Variants in PITPNM3 observed in about 807,000 individuals in gnomAD.
The protein encoded by PITPNM3 is membrane-associated phosphatidylinositol transfer protein 3.
A neutral mutation model predicts 102.0 loss-of-function variants in PITPNM3; 26 were observed. The ratio of observed to expected loss-of-function variants is 0.25; its 90% CI spans 0.19 to 0.35. PITPNM3 has a LOEUF of 0.35. Among genes scored for constraint, PITPNM3 ranks in the 10% least tolerant of loss-of-function variants. The pLI, the probability that PITPNM3 is intolerant of heterozygous loss-of-function variation, is 1.00. For synonymous variants in PITPNM3, 578 were observed against 558.6 expected (o/e 1.03, Z -0.49); for missense variants, 1,083 against 1,346.1 (o/e 0.80, Z 3.06).
rs891129249 is a variant in PITPNM3, at chr17:6,458,774, C to T, written c.2491-1052G>A. ...TGCCTCCACCCCGGATTCTCTCACCCCTTCATCCTCCTCCCACACCTGCCC... is the reference window on the plus strand; with the variant it reads ...TGCCTCCACCCCGGATTCTCTCACCTCTTCATCCTCCTCCCACACCTGCCC... On this transcript the variant is annotated intron_variant, in intron 18 of 19. Coordinates refer to ENST00000262483, the MANE Select transcript of PITPNM3 (RefSeq NM_031220.4). The surrounding 1 kb of genome is among the most constrained non-coding windows in gnomAD (Gnocchi z 5.1). 2.0e-4 allele frequency among the ~76,000 whole-genome samples: 30 copies of T among 152,158 alleles called. No homozygotes were observed. Among genetic ancestry groups the T allele is most frequent in the African/African-American group, 6.5e-4 (27 of 41,496 alleles).
intron 4 of PITPNM3, among the ~76,000 whole-genome samples, chr17:6,501,740 C>A (rs1279980099): frequency 6.6e-6 from 1 of 152,148 alleles, no homozygotes; most frequent in Non-Finnish European, 1.5e-5. Context: ...GAGGTGGAGG[C>A]GCCTGTGACA....
At chr17:6,545,162 T>C (rs1909957717) in intron 1 of PITPNM3, among the ~76,000 whole-genome samples, 1 of 152,222 alleles carries the variant, frequency 6.6e-6, no homozygotes, top group South Asian at 2.1e-4. Context: ...TCTCCTGCTC[T>C]GTAAAACGGG....
chr17:6,551,046 G>A (rs573760509), intron 1 of PITPNM3, among the ~76,000 whole-genome samples: 4 of 152,340 alleles, frequency 2.6e-5, no homozygotes, highest in South Asian at 2.1e-4. Context: ...ACCCCAGACT[G>A]CGGGAAAGCT....
At chr17:6,554,506 C>T (rs531298179) in intron 1 of PITPNM3, among the ~76,000 whole-genome samples, 2 of 152,136 alleles carry the variant, frequency 1.3e-5, no homozygotes, top group East Asian at 1.9e-4. Context: ...AAGGGCCAAG[C>T]GTGAAATTGC....
rs978134172 is a variant in PITPNM3, at chr17:6,452,497, G to C, written c.*2841C>G. 1 of 152,166 alleles carries C rather than the reference G, an allele frequency of 6.6e-6. No individual in the cohort carries two copies. The highest frequency in any genetic ancestry group is 1.5e-5 in the Non-Finnish European group (1 of 68,024). 9.4% of individuals were successfully genotyped at this position (152,166 alleles called of 1,614,324 possible). A position where few individuals can be genotyped will look rare whatever the true frequency, so the allele number is the denominator to read the frequency against. ...ATTCTCTACAAAACAGCTGGATTGG[G>C]GGTCACAGAACTACTCAAGGAGAGG... On this transcript the variant is annotated 3_prime_UTR_variant, in exon 20 of 20. Transcript: ENST00000262483.
At chr17:6,471,621 G>C (rs1023643443) in intron 11 of PITPNM3, among the ~76,000 whole-genome samples, 1 of 152,224 alleles carries the variant, frequency 6.6e-6, no homozygotes, top group African/African-American at 2.4e-5. Context: ...TGGAGTCCCA[G>C]CCATCACCCC....
chr17:6,503,379 C>T lies in PITPNM3; in HGVS notation c.274+148G>A, dbSNP rs569741067. ...AGGGCCCAAACTCAGGCTGAGTGAC[C>T]CCAGGCCCTCCGGTACTGCCTGCAG... On this transcript the variant is annotated intron_variant, in intron 4 of 19. Transcript: ENST00000262483. The T allele has an allele frequency of 7.8e-6, 7 of 898,152 alleles. No individual in the cohort carries two copies. In the South Asian group the frequency reaches 9.1e-5, roughly 12 times the overall value. 55.6% of individuals were successfully genotyped at this position (898,152 alleles called of 1,614,324 possible).
chr17:6,524,956 G>A (rs980642592), intron 3 of PITPNM3, among the ~76,000 whole-genome samples: 3 of 152,148 alleles, frequency 2.0e-5, no homozygotes, highest in African/African-American at 7.2e-5. Context: ...TCTCACTGCT[G>A]TCCTTCTCTC....
chr17:6,508,031 G>T (rs752395130), intron 3 of PITPNM3, among the ~76,000 whole-genome samples: 3 of 151,716 alleles, frequency 2.0e-5, no homozygotes, highest in Non-Finnish European at 4.4e-5. Flanking sequence ...AGCTGGGGTT[G>T]CTGGGAATGC....
intron 1 of PITPNM3, among the ~76,000 whole-genome samples, chr17:6,550,342 G>A (rs1483989697): frequency 6.6e-6 from 1 of 152,206 alleles, no homozygotes; most frequent in Non-Finnish European, 1.5e-5. Context: ...CTCTACCTCA[G>A]AGATGCTGTT....
intron 5 of PITPNM3, 104 bp from the exon 6 acceptor site, chr17:6,483,856 C>T (rs1905909148): frequency 1.0e-6 from 1 of 987,912 alleles, no homozygotes; most frequent in South Asian, 1.3e-5. Flanking sequence ...CACTCACACA[C>T]ACGCACACAC....
rs768613943 is a variant in PITPNM3 at position 6,477,097 on chromosome 17, C to T, written c.1017G>A (p.Pro339=). 1.3e-5 allele frequency: 21 copies of T among 1,614,028 alleles called. No individual in the cohort carries two copies. The highest frequency in any genetic ancestry group is 4.0e-5 in the African/African-American group (3 of 74,900). Reference sequence around the variant, plus strand: ...AGGTGGAGGAGTCGCTCTGTTTCCGCGGCAACGGCCTCTTGGGCTCCTCAT... The same window carrying T: ...AGGTGGAGGAGTCGCTCTGTTTCCGTGGCAACGGCCTCTTGGGCTCCTCAT... ...LEDEEPKRPL[P]RKQSDSSTYD... is the part of the protein sequence containing the mutation. The change falls in exon 9 of 20, where the codon CCG becomes CCA. Residue 339 remains proline (P), a synonymous_variant. Coordinates refer to ENST00000262483, the MANE Select transcript of PITPNM3 (RefSeq NM_031220.4).
At position 6,455,397 on chromosome 17, in the gene PITPNM3, G is replaced by T; in HGVS notation, c.2866C>A (p.Arg956=). Residue 956 remains arginine, a synonymous_variant, in exon 20 of 20, where the codon CGG becomes AGG. Transcript: ENST00000262483. ...GCCCAGCTGAGCGCCGGCAGCGGCC[G>T]CTCGTGGTCTTTGTCCGACTCGGGC... ...SQPESDKDHE[R]PLPALSWARG... The T allele has an allele frequency of 1.3e-6, 2 of 1,596,016 alleles. No homozygotes were observed. The highest frequency in any genetic ancestry group is 2.2e-5 in the South Asian group (2 of 90,300).
rs1371871134 is a variant in PITPNM3, at chr17:6,478,574, G to C, written c.750C>G (p.Ser250=). 1.2e-6 allele frequency: 2 copies of C among 1,614,134 alleles called. No homozygotes were observed. Among genetic ancestry groups the C allele is most frequent in the Non-Finnish European group, 1.7e-6 (2 of 1,180,038 alleles). ...GCCCACTGAAGCCAATCCCATCAGA[G>C]GACTTCAGGAACTCTCTGTAGACCT... ...ANQVYREFLK[S]SDGIGFSGQV... Residue 250 remains serine (S), a synonymous_variant, in exon 7 of 20, where the codon TCC becomes TCG. Transcript: ENST00000262483. The surrounding 1 kb of genome is among the most constrained non-coding windows in gnomAD (Gnocchi z 4.4).
intron 4 of PITPNM3, among the ~76,000 whole-genome samples, chr17:6,488,709 T>G (rs1906241771): frequency 6.6e-6 from 1 of 152,046 alleles, no homozygotes; most frequent in South Asian, 2.1e-4. Context: ...GCTTCATAAT[T>G]CCACCCCTAG....
intron 3 of PITPNM3, among the ~76,000 whole-genome samples, chr17:6,513,653 A>C (rs1907994818): frequency 6.6e-6 from 1 of 152,236 alleles, no homozygotes; most frequent in African/African-American, 2.4e-5. Context: ...GAAGACTTAC[A>C]TAAATGTAAA....
In PITPNM3 at chr17:6,452,165, AGGGCCGTTC is replaced by A; in HGVS notation, c.*3164_*3172del. 1 of 152,190 alleles carries A rather than the reference AGGGCCGTTC, an allele frequency of 6.6e-6. No homozygotes were observed. The highest frequency in any genetic ancestry group is 1.5e-5 in the Non-Finnish European group (1 of 68,052). 9.4% of individuals were successfully genotyped at this position (152,190 alleles called of 1,614,324 possible). On this transcript the variant is annotated 3_prime_UTR_variant, in exon 20 of 20. Coordinates refer to ENST00000262483, the MANE Select transcript of PITPNM3 (RefSeq NM_031220.4). ...TGCTGTAGCCCAGCACCCAGACAAG[AGGGCCGTTC>A]ATCCCAATGCATGAAAGGAGTCTGC...
chr17:6,547,552 T>C (rs1228590766), intron 1 of PITPNM3, among the ~76,000 whole-genome samples: 1 of 152,074 alleles, frequency 6.6e-6, no homozygotes, highest in Non-Finnish European at 1.5e-5. Flanking sequence ...CTCTGCCACC[T>C]GCAGGCTCCC....
intron 17 of PITPNM3, among the ~76,000 whole-genome samples, chr17:6,462,907 G>C (rs572357687): frequency 6.6e-6 from 1 of 152,106 alleles, no homozygotes; most frequent in Non-Finnish European, 1.5e-5. Context: ...GGAGCACCCT[G>C]GAGCCCATGG....
Sources: gnomAD v4.1 joint callset for allele counts (sites outside exome capture counted in the v4.1 genomes callset) on GRCh38, gnomAD v4.1.1 for gene constraint, Gnocchi (gnomAD v3.1) non-coding constraint, MANE v1.5 for transcripts, NCBI Gene and HGNC (gene_info 2026-07-23, HGNC 2026-07-21) for gene names.